The following KIAA0825 variants were observed in gnomAD, a reference collection of about 807,000 sequenced individuals.
KIAA0825 encodes the protein KIAA0825.
In KIAA0825, 119 loss-of-function variants were observed where a neutral mutation model predicts 147.6. That is an observed-to-expected ratio of 0.81 (90% CI 0.69 to 0.94). KIAA0825 has a LOEUF of 0.94. Among genes scored for constraint, KIAA0825 ranks in the 40% least tolerant of loss-of-function variants. KIAA0825 has a pLI of 0.00. For missense variants in KIAA0825, 1,381 were observed against 1,472.7 expected, an observed-to-expected ratio of 0.94 and a Z score of 1.02; for synonymous variants, 470 against 518.1, an observed-to-expected ratio of 0.91 and a Z score of 1.26.
At chr5:94,483,827 CATA>C (rs1762751181) in intron 6 of KIAA0825, among the ~76,000 whole-genome samples, 1 of 151,612 alleles carries the variant, frequency 6.6e-6, no homozygotes. Flanking sequence ...CAAGAGTAAA[CATA>C]ATAAGTGAAA....
chr5:94,433,400 T>C (rs1281906939), intron 14 of KIAA0825, among the ~76,000 whole-genome samples: 1 of 152,192 alleles, frequency 6.6e-6, no homozygotes, highest in Non-Finnish European at 1.5e-5. Flanking sequence ...CTAGATATTT[T>C]TCTTTGTTAT....
At chr5:94,527,549 A>T (rs2151265446) in intron 3 of KIAA0825, among the ~76,000 whole-genome samples, 1 of 152,132 alleles carries the variant, frequency 6.6e-6, no homozygotes, top group Non-Finnish European at 1.5e-5. Flanking sequence ...CTCATAGCAG[A>T]GCTTAAAGAC....
chr5:94,449,244 C>A (rs531488475), intron 13 of KIAA0825, among the ~76,000 whole-genome samples: 1 of 152,062 alleles, frequency 6.6e-6, no homozygotes, highest in African/African-American at 2.4e-5. Context: ...AGGAAATAAG[C>A]CAGAAAACTC....
At chr5:94,200,977 A>G (rs1365957609) in intron 20 of KIAA0825, among the ~76,000 whole-genome samples, 2 of 140,176 alleles carry the variant, frequency 1.4e-5, no homozygotes, top group Admixed American at 7.1e-5. Context: ...ATATATATAT[A>G]TATATATGTA....
chr5:94,193,434 T>C (rs1770852705), intron 20 of KIAA0825, among the ~76,000 whole-genome samples: 1 of 152,220 alleles, frequency 6.6e-6, no homozygotes, highest in Non-Finnish European at 1.5e-5. Flanking sequence ...CTGATGAAAC[T>C]GAGGCCAGAG....
At chr5:94,612,483 G>A (rs182274011) in intron 1 of KIAA0825, among the ~76,000 whole-genome samples, 12 of 152,038 alleles carry the variant, frequency 7.9e-5, no homozygotes, top group East Asian at 5.8e-4. Context: ...GCTGTCAGAC[G>A]TGCATTGAGG....
chr5:94,573,080 A>G (rs1780269264), intron 2 of KIAA0825, among the ~76,000 whole-genome samples: 1 of 135,086 alleles, frequency 7.4e-6, no homozygotes, highest in Non-Finnish European at 1.5e-5. Flanking sequence ...TCTATGAAAT[A>G]CATTAGTTTG....
chr5:94,472,161 A>G (rs1426986870), intron 8 of KIAA0825, among the ~76,000 whole-genome samples: 2 of 152,228 alleles, frequency 1.3e-5, no homozygotes, highest in Non-Finnish European at 2.9e-5. Context: ...TAAAAATTAA[A>G]TGCCACATAT....
chr5:94,426,263 T>G (rs1054081263), intron 14 of KIAA0825, among the ~76,000 whole-genome samples: 4 of 152,044 alleles, frequency 2.6e-5, no homozygotes, highest in Non-Finnish European at 5.9e-5. Context: ...ATTTACAAGT[T>G]TATTGCAGCA....
At chr5:94,314,872 C>T (rs1262515440) in intron 20 of KIAA0825, among the ~76,000 whole-genome samples, 1 of 151,476 alleles carries the variant, frequency 6.6e-6, no homozygotes, top group Non-Finnish European at 1.5e-5. Flanking sequence ...CTCTTTTAAC[C>T]CCCTTCAGCT....
intron 16 of KIAA0825, among the ~76,000 whole-genome samples, chr5:94,402,063 A>G (rs932831189): frequency 1.3e-5 from 2 of 152,264 alleles, no homozygotes; most frequent in East Asian, 1.9e-4. Context: ...TTCTTCCATC[A>G]CTTTCTTTTA....
chr5:94,460,364 G>A (rs958975455), intron 12 of KIAA0825, among the ~76,000 whole-genome samples: 2 of 151,988 alleles, frequency 1.3e-5, no homozygotes, highest in East Asian at 3.8e-4. Context: ...TTGCAAACAG[G>A]TTTCATTCTT....
At position 94,255,793 on chromosome 5, in the gene KIAA0825, GC is replaced by G. The variant is rs1776223396; in HGVS notation, c.3711-101670del. On this transcript the variant is annotated intron_variant, in intron 20 of 20. Transcript: ENST00000682413. ...GAGTGCAATGGCATGATCACATGGA[GC>G]CTTGACCTCCCCGGGCTCAGGTGAT... 2.2e-5 allele frequency among the ~76,000 whole-genome samples: 3 copies of G among 139,390 alleles called. No individual in the cohort carries two copies. In the South Asian group the frequency reaches 7.0e-4, roughly 33 times the overall value. 91.4% of individuals were successfully genotyped at this position (139,390 alleles called of 152,430 possible). A position where few individuals can be genotyped will look rare whatever the true frequency, so the allele number is the denominator to read the frequency against.
At chr5:94,430,750 G>T (rs1432856196) in intron 14 of KIAA0825, among the ~76,000 whole-genome samples, 1 of 152,160 alleles carries the variant, frequency 6.6e-6, no homozygotes, top group Non-Finnish European at 1.5e-5. Flanking sequence ...TAGACATTTT[G>T]TAAGTTTCAG....
chr5:94,338,703 A>T (rs1782059996), intron 20 of KIAA0825, among the ~76,000 whole-genome samples: 1 of 152,168 alleles, frequency 6.6e-6, no homozygotes, highest in Admixed American at 6.5e-5. Context: ...AGACTATATC[A>T]TATAGCCTAG....
chr5:94,297,257 A>G (rs1206242337), intron 20 of KIAA0825, among the ~76,000 whole-genome samples: 5 of 152,216 alleles, frequency 3.3e-5, no homozygotes, highest in Non-Finnish European at 5.9e-5. Flanking sequence ...ATCCTGTACT[A>G]TGACATATTC....
At chr5:94,456,019 C>T (rs1195243485) in intron 12 of KIAA0825, among the ~76,000 whole-genome samples, 2 of 152,042 alleles carry the variant, frequency 1.3e-5, no homozygotes, top group Non-Finnish European at 2.9e-5. Context: ...AGGGAGGGTG[C>T]TGGTACAATG....
chr5:94,391,099 A>G (rs1749832994), intron 18 of KIAA0825, among the ~76,000 whole-genome samples: 1 of 152,214 alleles, frequency 6.6e-6, no homozygotes, highest in African/African-American at 2.4e-5. Context: ...AATATGGTTC[A>G]ATACTCTTCT....
At chr5:94,421,338 C>T (rs1754156868) in intron 14 of KIAA0825, among the ~76,000 whole-genome samples, 1 of 152,244 alleles carries the variant, frequency 6.6e-6, no homozygotes, top group African/African-American at 2.4e-5. Flanking sequence ...TCCAGCCACA[C>T]TGCTTTTTAC....
Sources: gnomAD v4.1 joint callset for allele counts (sites outside exome capture counted in the v4.1 genomes callset) on GRCh38, gnomAD v4.1.1 for gene constraint, MANE v1.5 for transcripts, NCBI Gene and HGNC (gene_info 2026-07-23, HGNC 2026-07-21) for gene names.